Variants in VWDE observed in about 807,000 individuals in gnomAD.
The protein encoded by VWDE is von Willebrand factor D and EGF domains.
VWDE carries 207 observed loss-of-function variants against 178.4 expected under a neutral mutation model. That is an observed-to-expected ratio of 1.16 (90% CI 1.04 to 1.30). VWDE has a LOEUF of 1.30. VWDE is among the 50% of genes most tolerant of loss of function. The pLI is 0.00. For synonymous variants in VWDE, 738 were observed against 651.4 expected (o/e 1.13, Z -2.02); for missense variants, 2,287 against 1,901.3 (o/e 1.20, Z -3.77).
chr7:12,403,415 C>T (rs1785004279), intron 1 of VWDE, among the ~76,000 whole-genome samples: 1 of 152,124 alleles, frequency 6.6e-6, no homozygotes, highest in Non-Finnish European at 1.5e-5. Context: ...AACCAAGGGT[C>T]GTAGAGTAAG....
Position 12,343,153 on chromosome 7 carries a change from ATGTTGACAAGGTGGGTTACAATGTTC to A in VWDE, c.4079-1_4103del, listed in dbSNP as rs1225589725. ...GATTCCCAGCCAAGCATGTGCCACC[ATGTTGACAAGGTGGGTTACAATGTTC>A]TGCAGAAACAGATTATGTTATTATG... On this transcript the variant is annotated splice_acceptor_variant and coding_sequence_variant, in exon 22 of 29. Coordinates refer to ENST00000275358, the MANE Select transcript of VWDE (RefSeq NM_001135924.3). LOFTEE classifies it high-confidence loss of function. 6.5e-7 allele frequency: 1 copy of A among 1,549,524 alleles called. No homozygotes were observed. Among genetic ancestry groups the A allele is most frequent in the African/African-American group, 1.4e-5 (1 of 72,968 alleles).
At chr7:12,370,631 C>A in intron 11 of VWDE, 25 bp downstream of exon 11, 1 of 1,546,134 alleles carries the variant, frequency 6.5e-7, no homozygotes, top group Non-Finnish European at 8.7e-7. Flanking sequence ...TTAATATAAT[C>A]GCAAGTGGAA....
At position 12,347,957 on chromosome 7, in the gene VWDE, A is replaced by G. The variant is rs182995928; in HGVS notation, c.3887-3488T>C. 3.5e-3 allele frequency among the ~76,000 whole-genome samples: 527 copies of G among 152,290 alleles called. 9 individuals carry two copies. The highest frequency in any genetic ancestry group is 0.012 in the African/African-American group (502 of 41,538). The stretch of plus-strand genomic sequence containing the variant: ...TATCTGATCTTTGACAAACCTGACA[A>G]AAACAAGCAATGGGGAAAGGATTCC... On this transcript the variant is annotated intron_variant, in intron 19 of 28. Coordinates refer to ENST00000275358, the MANE Select transcript of VWDE (RefSeq NM_001135924.3).
intron 1 of VWDE, among the ~76,000 whole-genome samples, chr7:12,399,760 T>C (rs1038529143): frequency 6.6e-6 from 1 of 152,090 alleles, no homozygotes; most frequent in Non-Finnish European, 1.5e-5. Flanking sequence ...CGTGGGAGAA[T>C]TGCTTAAGCC....
intron 3 of VWDE, 53 bp from the exon 4 acceptor site, chr7:12,383,654 T>A (rs1783963433): frequency 7.3e-6 from 10 of 1,371,730 alleles, no homozygotes; most frequent in Non-Finnish European, 1.0e-5. Context: ...AAGATATACA[T>A]CTACATATAT....
intron 1 of VWDE, among the ~76,000 whole-genome samples, chr7:12,399,344 T>C (rs889920462): frequency 6.6e-6 from 1 of 152,172 alleles, no homozygotes; most frequent in Non-Finnish European, 1.5e-5. Flanking sequence ...AGGGACACTT[T>C]ATAATGATAA....
intron 6 of VWDE, 62 bp from the exon 7 acceptor site, chr7:12,377,982 T>A: frequency 8.0e-7 from 1 of 1,249,646 alleles, no homozygotes; most frequent in South Asian, 2.3e-5. Flanking sequence ...AAGGCACAGT[T>A]TTGAAAGGGC....
In VWDE at chr7:12,351,649, A is replaced by G. The variant is rs561187344; in HGVS notation, c.3810T>C (p.Ser1270=). 4.1e-5 allele frequency: 63 copies of G among 1,550,340 alleles called. No homozygotes were observed. In the African/African-American group the frequency reaches 8.2e-4, roughly 20 times the overall value. Residue 1270 remains serine, a synonymous_variant, in exon 19 of 29, where the codon AGT becomes AGC. Transcript: ENST00000275358. ...QTVVLTRSDK[S]VNKEEDDKNA... ...TTTTATCATCCTCTTCTTTATTTAC[A>G]CTTTTATCAGATCTTGTGAGAACCA...
chr7:12,393,615 C>A lies in VWDE; in HGVS notation c.222G>T (p.Glu74Asp), dbSNP rs1381305938. 16 of 1,549,018 alleles carry A rather than the reference C, an allele frequency of 1.0e-5. No individual in the cohort carries two copies. The highest frequency in any genetic ancestry group is 1.4e-5 in the Non-Finnish European group (16 of 1,145,640). The change falls in exon 2 of 29, where the codon GAG (glutamate) becomes GAT (aspartate). Residue 74 changes from glutamate (E) to aspartate (D), a missense_variant. Transcript: ENST00000275358. Reference protein sequence around the residue: ...YRFLILDRPAEMPTKCVEMNH... With the variant: ...YRFLILDRPADMPTKCVEMNH... The stretch of plus-strand genomic sequence containing the variant: ...ATACCTCAACACATTTGGTTGGCAT[C>A]TCGGCAGGTCTGTCAAGGATGAGAA...
chr7:12,365,719 G>C (rs549250536), intron 13 of VWDE, among the ~76,000 whole-genome samples: 1 of 152,178 alleles, frequency 6.6e-6, no homozygotes, highest in Non-Finnish European at 1.5e-5. Flanking sequence ...GACTTGACTG[G>C]AGGTATGAAT....
chr7:12,390,463 A>T (rs1784334727), intron 2 of VWDE, among the ~76,000 whole-genome samples: 1 of 151,944 alleles, frequency 6.6e-6, no homozygotes, highest in Admixed American at 6.6e-5. Context: ...AAAAATCGTT[A>T]GCCAGGTTAT....
intron 18 of VWDE, chr7:12,354,457 C>T: frequency 2.5e-6 from 1 of 399,594 alleles, no homozygotes. Context: ...CTTGGAGTCA[C>T]ACTCATCAAC....
intron 5 of VWDE, among the ~76,000 whole-genome samples, chr7:12,380,098 G>A (rs1180419473): frequency 6.7e-6 from 1 of 148,652 alleles, no homozygotes; most frequent in Non-Finnish European, 1.5e-5. Flanking sequence ...GTGAGACTCC[G>A]CCTCAAAAAA....
At chr7:12,331,239 A>T in intron 28 of VWDE, 42 bp from the exon 29 acceptor site, 2 of 1,504,042 alleles carry the variant, frequency 1.3e-6, no homozygotes, top group South Asian at 2.5e-5. Context: ...TGAATAGTAT[A>T]AAATCATTTA....
chr7:12,389,476 T>C, intron 2 of VWDE, 118 bp from the exon 3 acceptor site: 1 of 748,454 alleles, frequency 1.3e-6, no homozygotes, highest in South Asian at 2.0e-5. Flanking sequence ...ATTAAAAAAA[T>C]TATGGCTTGT....
chr7:12,354,440 A>G (rs1048500484), intron 18 of VWDE: 2 of 435,280 alleles, frequency 4.6e-6, no homozygotes, highest in Admixed American at 5.2e-5. Context: ...ACTCCCTCAA[A>G]GCAAGGCTTG....
rs1579692 is a variant in VWDE at position 12,340,839 on chromosome 7, T to C, written c.4271-422A>G. 1.6e-3 allele frequency among the ~76,000 whole-genome samples: 250 copies of C among 152,328 alleles called. 2 individuals carry two copies. The highest frequency in any genetic ancestry group is 5.7e-3 in the African/African-American group (238 of 41,584). On this transcript the variant is annotated intron_variant, in intron 23 of 28. Transcript: ENST00000275358. The stretch of plus-strand genomic sequence containing the variant: ...ATGGTTTGTAATCTGTTCAAATACA[T>C]GTAGCCATGCACACCTCTTTATCGC...
intron 18 of VWDE, among the ~76,000 whole-genome samples, chr7:12,353,639 G>T (rs1420276313): frequency 5.6e-5 from 2 of 35,980 alleles, no homozygotes; most frequent in Non-Finnish European, 1.5e-4. Flanking sequence ...TATATTTGAA[G>T]TATTTTCTTA....
intron 19 of VWDE, among the ~76,000 whole-genome samples, chr7:12,349,434 T>C (rs1001863012): frequency 1.3e-5 from 2 of 151,230 alleles, no homozygotes; most frequent in African/African-American, 4.8e-5. Context: ...TAAAAGAGAC[T>C]ATGAGTTCAT....
Sources: gnomAD v4.1 joint callset for allele counts (sites outside exome capture counted in the v4.1 genomes callset) on GRCh38, gnomAD v4.1.1 for gene constraint, MANE v1.5 for transcripts, NCBI Gene and HGNC (gene_info 2026-07-23, HGNC 2026-07-21) for gene names.